Variants in DOP1A observed in about 807,000 individuals in gnomAD.
The protein encoded by DOP1A is DOP1 leucine zipper like protein A, also known as protein DOP1A.
A neutral mutation model predicts 267.6 loss-of-function variants in DOP1A; 90 were observed. That is an observed-to-expected ratio of 0.34 (90% CI 0.28 to 0.40). The LOEUF (loss-of-function observed/expected upper bound fraction) is 0.40, where lower values mean the gene tolerates loss of function less well. Among genes scored for constraint, DOP1A ranks in the 10% least tolerant of loss-of-function variants. The pLI, the probability that DOP1A is intolerant of heterozygous loss-of-function variation, is 1.00. For synonymous variants in DOP1A, 932 were observed against 999.1 expected, an observed-to-expected ratio of 0.93 and a Z score of 1.27; for missense variants, 2,437 against 2,900.4, an observed-to-expected ratio of 0.84 and a Z score of 3.67.
intron 1 of DOP1A, chr6:83,073,274 T>C (rs1424253876): frequency 6.3e-6 from 1 of 159,338 alleles, no homozygotes; most frequent in Non-Finnish European, 1.4e-5. Context: ...TTTAAATAGA[T>C]ACAGGGTTTC....
At chr6:83,081,616 A>AT in intron 1 of DOP1A, among the ~76,000 whole-genome samples, 1 of 152,224 alleles carries the variant, frequency 6.6e-6, no homozygotes, top group African/African-American at 2.4e-5. Flanking sequence ...AAGCTATGTG[A>AT]CATTGATCTG....
At chr6:83,165,804 T>C (rs1386806308) in intron 38 of DOP1A, 7 of 304,914 alleles carry the variant, frequency 2.3e-5, no homozygotes, top group Admixed American at 7.1e-5. Flanking sequence ...GTGAAAAGAA[T>C]TGGGCCCTTT....
intron 1 of DOP1A, among the ~76,000 whole-genome samples, chr6:83,089,737 T>G (rs1242321498): frequency 2.0e-5 from 3 of 152,156 alleles, no homozygotes; most frequent in Non-Finnish European, 4.4e-5. Flanking sequence ...AAGTTGCAGG[T>G]TATTGAGAGG....
At position 83,168,005 on chromosome 6, in the gene DOP1A, A is replaced by G. The variant is rs1357252851; in HGVS notation, c.7236A>G (p.Thr2412=). 1 of 1,614,092 alleles carries G rather than the reference A, an allele frequency of 6.2e-7. No individual in the cohort carries two copies. The highest frequency in any genetic ancestry group is 2.2e-5 in the East Asian group (1 of 44,876). Residue 2412 remains threonine (T), a synonymous_variant, in exon 39 of 39, where the codon ACA becomes ACG. Coordinates refer to ENST00000349129, the MANE Select transcript of DOP1A (RefSeq NM_015018.4). ...VLSQVFNSKV[T]SRCGGHSGSP... ...GTCAAGTCTTCAACAGCAAAGTCAC[A>G]AGCCGATGTGGAGGACACTCAGGGA...
chr6:83,078,916 ATTG>A (rs1320457124), intron 1 of DOP1A, among the ~76,000 whole-genome samples: 1 of 152,198 alleles, frequency 6.6e-6, no homozygotes, highest in African/African-American at 2.4e-5. Context: ...CATTATTAAT[ATTG>A]TTGTTTTGTT....
At chr6:83,078,816 C>T (rs549324025) in intron 1 of DOP1A, among the ~76,000 whole-genome samples, 4 of 152,208 alleles carry the variant, frequency 2.6e-5, no homozygotes, top group South Asian at 4.2e-4. Flanking sequence ...TATTCTATTA[C>T]GTGCTTCAGA....
At position 83,125,708 on chromosome 6, in the gene DOP1A, C is replaced by T. The variant is rs1254619693; in HGVS notation, c.1694C>T (p.Ser565Leu). 6 of 1,611,784 alleles carry T rather than the reference C, an allele frequency of 3.7e-6. No homozygotes were observed. Among genetic ancestry groups the T allele is most frequent in the Non-Finnish European group, 5.1e-6 (6 of 1,178,284 alleles). Reference protein sequence around the residue: ...VLQFPSGQNNSVKEWEDKKVS... With the variant: ...VLQFPSGQNNLVKEWEDKKVS... ...CAGTTTCCAAGTGGGCAGAACAATT[C>T]AGTCAAAGAGTGGGAAGACAAAAAG... Residue 565 changes from serine to leucine, a missense_variant, in exon 15 of 39, where the codon TCA becomes TTA. Around this residue, in one of 9 missense-constraint regions of DOP1A, gnomAD observed 498 missense variants for 513.5 expected, o/e 0.97. Transcript: ENST00000349129.
At chr6:83,099,297 T>C (rs1772098324) in intron 3 of DOP1A, among the ~76,000 whole-genome samples, 1 of 152,216 alleles carries the variant, frequency 6.6e-6, no homozygotes. Flanking sequence ...CAAGGATTTG[T>C]CTTAAAATTT....
intron 12 of DOP1A, among the ~76,000 whole-genome samples, chr6:83,123,761 G>T (rs148039939): frequency 1.1e-4 from 17 of 152,002 alleles, no homozygotes; most frequent in African/African-American, 3.4e-4. Context: ...ACATGCACGC[G>T]TATATTCCTA....
intron 15 of DOP1A, among the ~76,000 whole-genome samples, chr6:83,126,606 T>C (rs1235287418): frequency 6.6e-6 from 1 of 152,124 alleles, no homozygotes; most frequent in African/African-American, 2.4e-5. Context: ...GGTAGGAATA[T>C]GGAAAATGGG....
intron 30 of DOP1A, among the ~76,000 whole-genome samples, chr6:83,152,620 C>CTT (rs35823510): frequency 4.0e-4 from 53 of 133,860 alleles, no homozygotes; most frequent in Non-Finnish European, 5.2e-4. Flanking sequence ...TTTTCTTTTT[C>CTT]TTTTTTTTTT....
At chr6:83,162,489 G>C (rs989669484) in intron 37 of DOP1A, among the ~76,000 whole-genome samples, 5 of 152,084 alleles carry the variant, frequency 3.3e-5, no homozygotes, top group Admixed American at 2.0e-4. Context: ...TCGCTAATGA[G>C]AAAAGAAACA....
At chr6:83,110,842 C>T (rs968665989) in intron 6 of DOP1A, among the ~76,000 whole-genome samples, 3 of 152,090 alleles carry the variant, frequency 2.0e-5, no homozygotes, top group African/African-American at 7.2e-5. Context: ...TATTTTAATG[C>T]ATATTTCTGG....
In DOP1A at chr6:83,168,017, A is replaced by C. The variant is rs1786259871; in HGVS notation, c.7248A>C (p.Gly2416=). The C allele has an allele frequency of 6.2e-7, 1 of 1,614,048 alleles. No individual in the cohort carries two copies. The highest frequency in any genetic ancestry group is 8.5e-7 in the Non-Finnish European group (1 of 1,180,044). Residue 2416 remains glycine (G), a synonymous_variant, in exon 39 of 39, where the codon GGA becomes GGC. Coordinates refer to ENST00000349129, the MANE Select transcript of DOP1A (RefSeq NM_015018.4). ...ACAGCAAAGTCACAAGCCGATGTGG[A>C]GGACACTCAGGGAGTCCTATCCTCT... ...VFNSKVTSRC[G]GHSGSPILYS... is the part of the protein sequence containing the mutation.
In DOP1A at chr6:83,134,252, A is replaced by G; in HGVS notation, c.2835A>G (p.Ile945Met). 6.2e-7 allele frequency: 1 copy of G among 1,612,638 alleles called. No homozygotes were observed. Among genetic ancestry groups the G allele is most frequent in the Non-Finnish European group, 8.5e-7 (1 of 1,179,218 alleles). ...GGCATCTAACGAGAGATCTCCATAT[A>G]AATAAATCTTCATCTTTTGTACGTT... ...VLWHLTRDLHINKSSSFVRSF... is the reference protein window; with the variant it reads ...VLWHLTRDLHMNKSSSFVRSF... The change falls in exon 19 of 39, where the codon ATA (isoleucine) becomes ATG (methionine). Residue 945 changes from isoleucine to methionine, a missense_variant. Ile to Met is a conservative substitution (Grantham distance 10, BLOSUM62 1). Around this residue, in one of 9 missense-constraint regions of DOP1A, gnomAD observed 878 missense variants for 992.9 expected, o/e 0.88. Coordinates refer to ENST00000349129, the MANE Select transcript of DOP1A (RefSeq NM_015018.4).
Position 83,151,643 on chromosome 6 carries a change from A to G in DOP1A, c.5888A>G (p.Asp1963Gly), listed in dbSNP as rs1213466346. ...MKNPSLENKKDQRDLQDVTHK... is the reference protein window; with the variant it reads ...MKNPSLENKKGQRDLQDVTHK... ...AACCCTAGTTTGGAAAATAAAAAAG[A>G]CCAAAGAGACCTTCAGGTAAGGCAG... The change falls in exon 28 of 39, where the codon GAC (aspartate) becomes GGC (glycine). Residue 1963 changes from aspartate to glycine, a missense_variant. Around this residue, in one of 9 missense-constraint regions of DOP1A, gnomAD observed 216 missense variants for 283.3 expected, o/e 0.76. Transcript: ENST00000349129. 8.1e-6 allele frequency: 13 copies of G among 1,609,360 alleles called. No individual in the cohort carries two copies. The highest frequency in any genetic ancestry group is 1.1e-5 in the Non-Finnish European group (13 of 1,178,592).
intron 1 of DOP1A, among the ~76,000 whole-genome samples, chr6:83,095,094 G>A (rs1307717141): frequency 6.6e-6 from 1 of 151,942 alleles, no homozygotes; most frequent in Non-Finnish European, 1.5e-5. Context: ...CACCACACCT[G>A]GCTGATTTTT....
Position 83,135,620 on chromosome 6 carries a change from T to G in DOP1A, c.2872T>G (p.Ser958Ala). ...TTTAATTATTTGTGTTTATTTTAGG[T>G]CACTGTTCATCATGTTAGATAGCCT... ...SSSFVRSFDR[S>A]LFIMLDSLNS... The change falls in exon 20 of 39, where the codon TCA becomes GCA. Residue 958 changes from serine to alanine, a missense_variant and splice_region_variant. Ser to Ala is a moderately conservative substitution (Grantham distance 99, BLOSUM62 1). This residue lies in a region of DOP1A where 878 missense variants were observed against 992.9 expected (regional missense o/e 0.88). Transcript: ENST00000349129. The G allele has an allele frequency of 1.2e-6, 2 of 1,609,976 alleles. No individual in the cohort carries two copies. The highest frequency in any genetic ancestry group is 1.7e-6 in the Non-Finnish European group (2 of 1,177,164).
Position 83,152,188 on chromosome 6 carries a change from T to G in DOP1A, c.6050-100T>G, listed in dbSNP as rs7767098. 494 of 714,142 alleles carry G rather than the reference T, an allele frequency of 6.9e-4. 2 individuals carry two copies. In the African/African-American group the frequency reaches 8.9e-3, roughly 13 times the overall value. The allele number at this position is 714,142 out of a possible 1,614,324, so 44.2% of individuals were successfully genotyped here. A position where few individuals can be genotyped will look rare whatever the true frequency, so the allele number is the denominator to read the frequency against. ...AAAAATATATATATACATATACATA[T>G]ATATATACATATATAAAAATAATAC... On this transcript the variant is annotated intron_variant, in intron 29 of 38. Coordinates refer to ENST00000349129, the MANE Select transcript of DOP1A (RefSeq NM_015018.4).
Sources: allele counts gnomAD v4.1 joint callset (sites outside exome capture counted in the v4.1 genomes callset), GRCh38; gene constraint gnomAD v4.1.1; regional missense constraint gnomAD v4.1.1; transcripts MANE v1.5; gene names NCBI Gene and HGNC (gene_info 2026-07-23, HGNC 2026-07-21).